ACTR10: variants seen among roughly 807,000 people sequenced by gnomAD.
ACTR10 encodes the protein actin related protein 10.
In ACTR10, 43 loss-of-function variants were observed where a neutral mutation model predicts 56.2. The ratio of observed to expected loss-of-function variants is 0.77; its 90% CI spans 0.60 to 0.99. The LOEUF is 0.99. Ranked by LOEUF, ACTR10 falls within the 50% of genes least tolerant of loss-of-function variation. The pLI, the probability that ACTR10 is intolerant of heterozygous loss-of-function variation, is 0.00. For synonymous variants in ACTR10, 170 were observed against 176.3 expected (o/e 0.96, Z 0.28); for missense variants, 466 against 507.8 (o/e 0.92, Z 0.79).
chr14:58,222,764 G>GAAAAAA (rs58412717), intron 8 of ACTR10, among the ~76,000 whole-genome samples: 1 of 76,342 alleles, frequency 1.3e-5, no homozygotes, highest in African/African-American at 4.9e-5. Context: ...GACTCTGTCA[G>GAAAAAA]AAAAAAAAAA....
intron 7 of ACTR10, among the ~76,000 whole-genome samples, chr14:58,219,087 T>G (rs1889206193): frequency 6.6e-6 from 1 of 152,184 alleles, no homozygotes; most frequent in African/African-American, 2.4e-5. Context: ...TCCATAGCGC[T>G]GGGATTACAG....
At chr14:58,218,067 C>G (rs1282411863) in intron 7 of ACTR10, among the ~76,000 whole-genome samples, 1 of 152,128 alleles carries the variant, frequency 6.6e-6, no homozygotes, top group Non-Finnish European at 1.5e-5. Context: ...AGCATCTACT[C>G]TTAGCTAAAT....
At chr14:58,229,295 C>G (rs571930021) in intron 10 of ACTR10, among the ~76,000 whole-genome samples, 2 of 152,050 alleles carry the variant, frequency 1.3e-5, no homozygotes, top group African/African-American at 4.8e-5. Context: ...CACAAACTTG[C>G]AGTTATGAGT....
At chr14:58,228,153 C>T (rs1392105194) in intron 10 of ACTR10, among the ~76,000 whole-genome samples, 1 of 152,138 alleles carries the variant, frequency 6.6e-6, no homozygotes, top group Admixed American at 6.6e-5. Flanking sequence ...CATCCAGGGA[C>T]AATATTATCA....
chr14:58,233,787 G>A (rs1348013459), intron 12 of ACTR10, among the ~76,000 whole-genome samples: 1 of 152,190 alleles, frequency 6.6e-6, no homozygotes, highest in African/African-American at 2.4e-5. Context: ...TCAGGATTGT[G>A]CATTTAGAGA....
Position 58,230,547 on chromosome 14 carries a change from T to C in ACTR10, c.870+67T>C, listed in dbSNP as rs371707614. 4.6e-5 allele frequency: 35 copies of C among 761,040 alleles called. 1 individual carries two copies. Among genetic ancestry groups the C allele is most frequent in the African/African-American group, 2.7e-4 (15 of 54,696 alleles). The allele number at this position is 761,040 out of a possible 1,614,324, so 47.1% of individuals were successfully genotyped here. On this transcript the variant is annotated intron_variant, in intron 11 of 12. Coordinates refer to ENST00000254286, the MANE Select transcript of ACTR10 (RefSeq NM_018477.3). ...CTTTAAATATAAATTTTAAATGTTA[T>C]TTTAGGCAACTAGCAATCCTTGTCA...
intron 8 of ACTR10, among the ~76,000 whole-genome samples, chr14:58,222,135 C>T (rs2140057360): frequency 6.6e-6 from 1 of 151,892 alleles, no homozygotes; most frequent in African/African-American, 2.4e-5. Flanking sequence ...TATATCATAT[C>T]AATATGCATT....
In ACTR10 at chr14:58,223,692, G is replaced by T; in HGVS notation, c.705G>T (p.Gly235=). ...KIQAAKFNID[G]NNERPSPPPN... The stretch of plus-strand genomic sequence containing the variant: ...AAGCAGCAAAATTTAATATTGATGG[G>T]AATAATGAGGTAAGTTTAAAAAAAA... Residue 235 remains glycine (G), a synonymous_variant, in exon 9 of 13, where the codon GGG becomes GGT. Transcript: ENST00000254286. 1 of 1,609,858 alleles carries T rather than the reference G, an allele frequency of 6.2e-7. No homozygotes were observed. Among genetic ancestry groups the T allele is most frequent in the Non-Finnish European group, 8.5e-7 (1 of 1,178,724 alleles).
Position 58,223,639 on chromosome 14 carries a change from A to C in ACTR10, c.652A>C (p.Ser218Arg). Reference sequence around the variant, plus strand: ...CCTTAAAGCGCGTACTTGCTTTGTAAGTGATCTGAAGCGAGGACTAAAAAT... The same window carrying C: ...CCTTAAAGCGCGTACTTGCTTTGTACGTGATCTGAAGCGAGGACTAAAAAT... Reference protein sequence around the residue: ...EDIKARTCFVSDLKRGLKIQA... With the variant: ...EDIKARTCFVRDLKRGLKIQA... The change falls in exon 9 of 13, where the codon AGT (serine) becomes CGT (arginine). Residue 218 changes from serine (S) to arginine (R), a missense_variant. Physicochemically the swap from Ser to Arg is moderately radical, Grantham distance 110. Coordinates refer to ENST00000254286, the MANE Select transcript of ACTR10 (RefSeq NM_018477.3). The C allele has an allele frequency of 6.2e-7, 1 of 1,613,212 alleles. No individual in the cohort carries two copies. The highest frequency in any genetic ancestry group is 8.5e-7 in the Non-Finnish European group (1 of 1,179,682).
intron 10 of ACTR10, among the ~76,000 whole-genome samples, chr14:58,226,011 T>C (rs551168005): frequency 6.6e-6 from 1 of 152,096 alleles, no homozygotes; most frequent in African/African-American, 2.4e-5. Context: ...CGTGCCTGAC[T>C]GGTAGTTCAC....
intron 12 of ACTR10, 151 bp downstream of exon 12, chr14:58,232,418 T>C (rs1889564709): frequency 3.5e-6 from 2 of 574,026 alleles, no homozygotes; most frequent in Non-Finnish European, 5.4e-6. Context: ...TTTTTTTTTT[T>C]TTTTTTTTTT....
rs5808963 is a variant in ACTR10 at position 58,232,404 on chromosome 14, C to CTTTT, written c.1072+161_1072+164dup. 9.4e-4 allele frequency: 127 copies of CTTTT among 135,718 alleles called. 3 individuals are homozygous for CTTTT. Among genetic ancestry groups the CTTTT allele is most frequent in the South Asian group, 1.3e-3 (15 of 11,726 alleles). 8.4% of individuals were successfully genotyped at this position (135,718 alleles called of 1,614,324 possible). On this transcript the variant is annotated intron_variant, in intron 12 of 12. Transcript: ENST00000254286. ...TAAATAGAACTAACACTGACTTTTT[C>CTTTT]TTTTTTTTTTTTTTTTTTTTTTTTT...
intron 2 of ACTR10, among the ~76,000 whole-genome samples, chr14:58,205,929 G>C (rs1490964467): frequency 6.6e-6 from 1 of 151,940 alleles, no homozygotes; most frequent in African/African-American, 2.4e-5. Flanking sequence ...GGCTGAGGCA[G>C]GAGAATCGCT....
At chr14:58,226,288 T>A (rs915706991) in intron 10 of ACTR10, among the ~76,000 whole-genome samples, 7 of 151,880 alleles carry the variant, frequency 4.6e-5, no homozygotes, top group Non-Finnish European at 8.8e-5. Context: ...ATTAAAAAAA[T>A]TTTTTTGTAG....
At chr14:58,206,792 C>T (rs1285642039) in intron 2 of ACTR10, among the ~76,000 whole-genome samples, 1 of 152,076 alleles carries the variant, frequency 6.6e-6, no homozygotes, top group African/African-American at 2.4e-5. Flanking sequence ...TTATGAACAA[C>T]CACAACTATG....
At chr14:58,210,706 G>A (rs1594805796) in intron 4 of ACTR10, among the ~76,000 whole-genome samples, 1 of 123,096 alleles carries the variant, frequency 8.1e-6, no homozygotes, top group Admixed American at 8.9e-5. Flanking sequence ...ACAGAGTCTT[G>A]CTTTATTGCC....
At chr14:58,211,501 G>T in intron 5 of ACTR10, 102 bp downstream of exon 5, 1 of 815,502 alleles carries the variant, frequency 1.2e-6, no homozygotes, top group Non-Finnish European at 2.0e-6. Context: ...AACTATTTTG[G>T]GTTACTATGT....
At chr14:58,208,898 A>G in intron 3 of ACTR10, 101 bp from the exon 4 acceptor site, 1 of 707,484 alleles carries the variant, frequency 1.4e-6, no homozygotes. Flanking sequence ...GTGATAAAAT[A>G]TCTTAAGCTA....
At chr14:58,208,104 C>T (rs61975918) in intron 3 of ACTR10, 86 bp downstream of exon 3, 2 of 1,191,758 alleles carry the variant, frequency 1.7e-6, no homozygotes, top group East Asian at 7.3e-5. Flanking sequence ...ACAGCTGAGG[C>T]CAAAAAAAAA....
Sources: allele counts gnomAD v4.1 joint callset (sites outside exome capture counted in the v4.1 genomes callset), GRCh38; gene constraint gnomAD v4.1.1; transcripts MANE v1.5; gene names NCBI Gene and HGNC (gene_info 2026-07-23, HGNC 2026-07-21).